The following CAPZA2 variants were observed in gnomAD, a reference collection of about 807,000 sequenced individuals.
CAPZA2 encodes the protein F-actin-capping protein subunit alpha-2.
In CAPZA2, 13 loss-of-function variants were observed where a neutral mutation model predicts 44.0. The observed-to-expected ratio is 0.30, with a 90% confidence interval of 0.19 to 0.47. The LOEUF is 0.47. CAPZA2 is among the 20% of genes least tolerant of loss of function. The pLI is 1.00. For synonymous variants in CAPZA2, 94 were observed against 108.2 expected (o/e 0.87, Z 0.81); for missense variants, 244 against 338.6 (o/e 0.72, Z 2.19).
At chr7:116,885,542 T>C (rs1796751805) in intron 1 of CAPZA2, among the ~76,000 whole-genome samples, 1 of 152,086 alleles carries the variant, frequency 6.6e-6, no homozygotes. Context: ...CCAAGATTGC[T>C]CCTTCCCCCA....
At chr7:116,905,012 C>T (rs1268584942) in intron 5 of CAPZA2, among the ~76,000 whole-genome samples, 3 of 143,212 alleles carry the variant, frequency 2.1e-5, no homozygotes, top group East Asian at 2.1e-4. Flanking sequence ...CGTGGTAGCA[C>T]GTGCCTGTAG....
At chr7:116,903,233 A>AGTGTGTGTGTGT (rs71148342) in intron 4 of CAPZA2, among the ~76,000 whole-genome samples, 129 of 146,436 alleles carry the variant, frequency 8.8e-4, no homozygotes, top group African/African-American at 2.1e-3. Context: ...TGCAGAGAAG[A>AGTGTGTGTGTGT]GTGTGTGTGT....
At chr7:116,898,699 G>T in intron 3 of CAPZA2, 73 bp from the exon 4 acceptor site, 1 of 965,432 alleles carries the variant, frequency 1.0e-6, no homozygotes, top group South Asian at 1.6e-5. Context: ...ATTGATGGGT[G>T]AATTTTTTGA....
At chr7:116,913,894 T>C (rs1367984698) in intron 8 of CAPZA2, among the ~76,000 whole-genome samples, 1 of 151,710 alleles carries the variant, frequency 6.6e-6, no homozygotes. Flanking sequence ...TTTTGGTTTT[T>C]TTGCCCCATG....
chr7:116,897,357 A>G (rs1467109291), intron 3 of CAPZA2, among the ~76,000 whole-genome samples: 2 of 152,124 alleles, frequency 1.3e-5, no homozygotes, highest in Admixed American at 6.6e-5. Context: ...TTTCTTTCTC[A>G]CCCTTGTACA....
chr7:116,896,232 G>GTTGTAA (rs1796925236), intron 3 of CAPZA2, among the ~76,000 whole-genome samples: 1 of 151,842 alleles, frequency 6.6e-6, no homozygotes, highest in Non-Finnish European at 1.5e-5. Context: ...CTTTAGAGTG[G>GTTGTAA]TTGTAATGGG....
At chr7:116,886,214 G>C (rs189042059) in intron 1 of CAPZA2, 1 of 154,420 alleles carries the variant, frequency 6.5e-6, no homozygotes, top group Non-Finnish European at 1.5e-5. Context: ...CACTTTTTAG[G>C]TGAGATAGCT....
intron 2 of CAPZA2, among the ~76,000 whole-genome samples, chr7:116,889,097 C>G (rs1394441870): frequency 6.6e-6 from 1 of 152,148 alleles, no homozygotes; most frequent in African/African-American, 2.4e-5. Flanking sequence ...TAATTATTCA[C>G]CCATAGATCT....
chr7:116,869,358 A>C (rs1354589840), intron 1 of CAPZA2, among the ~76,000 whole-genome samples: 1 of 152,214 alleles, frequency 6.6e-6, no homozygotes, highest in Non-Finnish European at 1.5e-5. Flanking sequence ...TACATGTTTC[A>C]CTATGCATCT....
chr7:116,888,139 G>A lies in CAPZA2; in HGVS notation c.52G>A (p.Ala18Thr), dbSNP rs201789411. ...LSDEEKVRIAAKFIIHAPPGE... is the reference protein window; with the variant it reads ...LSDEEKVRIATKFIIHAPPGE... ...CTTTCTGTTTCAGGTGCGTATAGCA[G>A]CAAAATTCATCATTCATGCCCCTCC... The change falls in exon 2 of 10, where the codon GCA becomes ACA. Residue 18 changes from alanine to threonine, a missense_variant. Physicochemically the swap from Ala to Thr is moderately conservative, Grantham distance 58. Transcript: ENST00000361183. 1.6e-4 allele frequency: 263 copies of A among 1,610,370 alleles called. 1 individual carries two copies. Among genetic ancestry groups the A allele is most frequent in the Non-Finnish European group, 7.0e-5 (82 of 1,178,074 alleles).
chr7:116,903,948 G>A (rs1166970302), intron 4 of CAPZA2, among the ~76,000 whole-genome samples: 1 of 152,164 alleles, frequency 6.6e-6, no homozygotes, highest in African/African-American at 2.4e-5. Context: ...CCAGTAGCTG[G>A]AAGTTATATT....
chr7:116,884,981 C>A (rs1040835469), intron 1 of CAPZA2, among the ~76,000 whole-genome samples: 2 of 152,162 alleles, frequency 1.3e-5, no homozygotes, highest in East Asian at 1.9e-4. Flanking sequence ...ATATTCATTT[C>A]TCTACTGACT....
chr7:116,877,498 A>G (rs535736920), intron 1 of CAPZA2, among the ~76,000 whole-genome samples: 1 of 152,336 alleles, frequency 6.6e-6, no homozygotes, highest in African/African-American at 2.4e-5. Context: ...GAAAGAATGG[A>G]TAGGTTGTAG....
intron 8 of CAPZA2, among the ~76,000 whole-genome samples, chr7:116,913,917 A>T (rs1380947579): frequency 1.3e-5 from 2 of 151,346 alleles, no homozygotes; most frequent in Non-Finnish European, 2.9e-5. Context: ...TATTGACAGT[A>T]TAACATTTAA....
At chr7:116,917,620 A>G in intron 9 of CAPZA2, 107 bp from the exon 10 acceptor site, 1 of 818,024 alleles carries the variant, frequency 1.2e-6, no homozygotes, top group Non-Finnish European at 2.1e-6. Flanking sequence ...GTTTAAAAAC[A>G]GTGAAACAGG....
At chr7:116,891,222 AT>A (rs1562960175) in intron 2 of CAPZA2, among the ~76,000 whole-genome samples, 3 of 152,042 alleles carry the variant, frequency 2.0e-5, no homozygotes, top group East Asian at 1.9e-4. Flanking sequence ...TGGATTTATT[AT>A]TTTTTTCCAG....
In CAPZA2 at chr7:116,920,427, TC is replaced by T. The variant is rs1174198672; in HGVS notation, c.*2561del. 1 of 152,196 alleles carries T rather than the reference TC, an allele frequency of 6.6e-6. No homozygotes were observed. Among genetic ancestry groups the T allele is most frequent in the African/African-American group, 2.4e-5 (1 of 41,384 alleles). 9.4% of individuals were successfully genotyped at this position (152,196 alleles called of 1,614,324 possible). A position where few individuals can be genotyped will look rare whatever the true frequency, so the allele number is the denominator to read the frequency against. On this transcript the variant is annotated 3_prime_UTR_variant, in exon 10 of 10. Transcript: ENST00000361183. ...AACAGCTAGGAGACTACTGCAGTAA[TC>T]TAGTTGAGAGAGCATGCTGGCTTGG...
At position 116,904,731 on chromosome 7, in the gene CAPZA2, A is replaced by C. The variant is rs890458644; in HGVS notation, c.426+348A>C. 14 of 172,482 alleles carry C rather than the reference A, an allele frequency of 8.1e-5. No homozygotes were observed. The Admixed American group carries it at 8.7e-4, about 11-fold the overall frequency. 10.7% of individuals were successfully genotyped at this position (172,482 alleles called of 1,614,324 possible). A position where few individuals can be genotyped will look rare whatever the true frequency, so the allele number is the denominator to read the frequency against. The stretch of plus-strand genomic sequence containing the variant: ...TATTAAGTCACAGAAATCTTAGAAC[A>C]AATAAAATTACTTGGAAGTAAAATT... On this transcript the variant is annotated intron_variant, in intron 5 of 9. Coordinates refer to ENST00000361183, the MANE Select transcript of CAPZA2 (RefSeq NM_006136.3).
intron 2 of CAPZA2, 63 bp from the exon 3 acceptor site, chr7:116,892,931 T>G (rs1000918657): frequency 1.7e-6 from 2 of 1,191,324 alleles, no homozygotes; most frequent in Non-Finnish European, 1.2e-6. Flanking sequence ...CAAAACAATC[T>G]GCGTTCATTA....
Sources: gnomAD v4.1 joint callset for allele counts (sites outside exome capture counted in the v4.1 genomes callset) on GRCh38, gnomAD v4.1.1 for gene constraint, MANE v1.5 for transcripts, NCBI Gene and HGNC (gene_info 2026-07-23, HGNC 2026-07-21) for gene names.